TRAF3IP1: variants seen among roughly 807,000 people sequenced by gnomAD.
The protein encoded by TRAF3IP1 is intraflagellar transport 54, also known as TRAF3-interacting protein 1.
TRAF3IP1 carries 53 observed loss-of-function variants against 89.9 expected under a neutral mutation model. The observed-to-expected ratio is 0.59, with a 90% CI of 0.47 to 0.74. The LOEUF is 0.74. TRAF3IP1 is among the 30% of genes least tolerant of loss of function. TRAF3IP1 has a pLI of 0.00. For synonymous variants in TRAF3IP1, 311 were observed against 322.1 expected (o/e 0.97, Z 0.37); for missense variants, 806 against 866.1 (o/e 0.93, Z 0.87).
At chr2:238,376,568 T>A (rs906801313) in intron 15 of TRAF3IP1, among the ~76,000 whole-genome samples, 4 of 152,256 alleles carry the variant, frequency 2.6e-5, no homozygotes, top group Non-Finnish European at 4.4e-5. Context: ...GGAGTATTTA[T>A]GAACAAAACT....
chr2:238,367,193 A>T (rs1031947983), intron 15 of TRAF3IP1, among the ~76,000 whole-genome samples: 8 of 146,862 alleles, frequency 5.4e-5, no homozygotes, highest in Admixed American at 2.0e-4. Context: ...AAAAAAAGAA[A>T]ATTAGTGGAT....
Position 238,382,834 on chromosome 2 carries a change from C to CT in TRAF3IP1, c.1690-14623dup, listed in dbSNP as rs1286633015. 3.9e-5 allele frequency among the ~76,000 whole-genome samples: 6 copies of CT among 152,154 alleles called. No homozygotes were observed. The East Asian group carries it at 1.2e-3, about 29-fold the overall frequency. ...TAGTCCTGCTGCCACCCTCTCCTGC[C>CT]TTCATCAGTTCCCTGGACGGTTGGT... On this transcript the variant is annotated intron_variant, in intron 15 of 16. Coordinates refer to ENST00000373327, the MANE Select transcript of TRAF3IP1 (RefSeq NM_015650.4).
intron 15 of TRAF3IP1, among the ~76,000 whole-genome samples, chr2:238,369,833 T>A (rs1700032579): frequency 6.6e-6 from 1 of 152,358 alleles, no homozygotes; most frequent in Admixed American, 6.5e-5. Context: ...CATTTGTTTG[T>A]ATCATTATGG....
intron 15 of TRAF3IP1, among the ~76,000 whole-genome samples, chr2:238,374,814 A>G (rs538955139): frequency 6.6e-6 from 1 of 152,132 alleles, no homozygotes; most frequent in Admixed American, 6.5e-5. Context: ...AGAGCCTGTT[A>G]TTGGTCTATT....
At chr2:238,342,768 C>A (rs544651409) in intron 8 of TRAF3IP1, among the ~76,000 whole-genome samples, 1 of 152,182 alleles carries the variant, frequency 6.6e-6, no homozygotes, top group African/African-American at 2.4e-5. Flanking sequence ...CTGTTTGAAT[C>A]AGACTATTTA....
rs115249879 is a variant in TRAF3IP1 at position 238,375,837 on chromosome 2, T to A, written c.1689+19757T>A. On this transcript the variant is annotated intron_variant, in intron 15 of 16. Coordinates refer to ENST00000373327, the MANE Select transcript of TRAF3IP1 (RefSeq NM_015650.4). The stretch of plus-strand genomic sequence containing the variant: ...TTTACTCTTTTTAAAAAAGTAAAGC[T>A]TTGTTTTGACATGTACATGCTTAAT... Among the ~76,000 whole-genome samples the A allele has an allele frequency of 4.3e-3, 649 of 152,360 alleles. 7 individuals carry two copies. Among genetic ancestry groups the A allele is most frequent in the African/African-American group, 0.015 (622 of 41,584 alleles).
At chr2:238,344,693 T>G in intron 9 of TRAF3IP1, 95 bp downstream of exon 9, 3 of 1,075,146 alleles carry the variant, frequency 2.8e-6, no homozygotes, top group Non-Finnish European at 2.9e-6. Flanking sequence ...GCCCGAGGTT[T>G]TCCTCTTGGG....
At chr2:238,335,984 G>A (rs1698373706) in intron 7 of TRAF3IP1, among the ~76,000 whole-genome samples, 1 of 151,764 alleles carries the variant, frequency 6.6e-6, no homozygotes, top group Non-Finnish European at 1.5e-5. Context: ...TAGAGACAGG[G>A]TTTTACCATG....
At position 238,348,129 on chromosome 2, in the gene TRAF3IP1, T is replaced by C. The variant is rs188615406; in HGVS notation, c.1283-635T>C. 2.0e-5 allele frequency among the ~76,000 whole-genome samples: 3 copies of C among 152,200 alleles called. No individual in the cohort carries two copies. The East Asian group carries it at 5.8e-4, about 29-fold the overall frequency. On this transcript the variant is annotated intron_variant, in intron 10 of 16. Coordinates refer to ENST00000373327, the MANE Select transcript of TRAF3IP1 (RefSeq NM_015650.4). ...CCTTGTTATTTACTGATTAATTCTT[T>C]TTATCAAAATGAAGAAAACTTTGTT...
At chr2:238,372,904 G>A (rs1353834969) in intron 15 of TRAF3IP1, among the ~76,000 whole-genome samples, 3 of 152,122 alleles carry the variant, frequency 2.0e-5, no homozygotes, top group Non-Finnish European at 4.4e-5. Context: ...ATTTTTTCAC[G>A]TGTCTGTTGG....
At chr2:238,333,711 G>A (rs554541758) in intron 6 of TRAF3IP1, among the ~76,000 whole-genome samples, 3 of 152,198 alleles carry the variant, frequency 2.0e-5, no homozygotes, top group Non-Finnish European at 4.4e-5. Flanking sequence ...GTGGGGAGCA[G>A]ATTGTTGACC....
chr2:238,339,313 C>T (rs1181909632), intron 8 of TRAF3IP1, among the ~76,000 whole-genome samples: 1 of 152,256 alleles, frequency 6.6e-6, no homozygotes, highest in Non-Finnish European at 1.5e-5. Flanking sequence ...CATGGGATGG[C>T]GGAGGAAAAG....
At chr2:238,331,266 C>T (rs1354271862) in intron 5 of TRAF3IP1, among the ~76,000 whole-genome samples, 2 of 150,594 alleles carry the variant, frequency 1.3e-5, no homozygotes, top group Non-Finnish European at 2.9e-5. Flanking sequence ...CGAGACCATC[C>T]TGGCCAACAC....
At chr2:238,373,842 C>T (rs1371549982) in intron 15 of TRAF3IP1, among the ~76,000 whole-genome samples, 1 of 152,096 alleles carries the variant, frequency 6.6e-6, no homozygotes, top group African/African-American at 2.4e-5. Context: ...TTGAAGAGGT[C>T]CTTCGCATCC....
intron 15 of TRAF3IP1, among the ~76,000 whole-genome samples, chr2:238,388,980 C>T (rs1234565171): frequency 6.6e-6 from 1 of 152,170 alleles, no homozygotes; most frequent in Admixed American, 6.5e-5. Flanking sequence ...TTCCTGAGGT[C>T]ATGAGAGAGT....
rs1665578026 is a variant in TRAF3IP1 at position 238,379,865 on chromosome 2, A to G, written c.1690-17594A>G. On this transcript the variant is annotated intron_variant, in intron 15 of 16. Coordinates refer to ENST00000373327, the MANE Select transcript of TRAF3IP1 (RefSeq NM_015650.4). The surrounding 1 kb of genome is among the most constrained non-coding windows in gnomAD (Gnocchi z 4.0). Reference sequence around the variant, plus strand: ...ATTAATATTTTAGTAAGACATTTAAAATAGCAAATCCAATTAGTTAGTACA... The same window carrying G: ...ATTAATATTTTAGTAAGACATTTAAGATAGCAAATCCAATTAGTTAGTACA... Among the ~76,000 whole-genome samples, 3 of 152,246 alleles carry G rather than the reference A, an allele frequency of 2.0e-5. No individual in the cohort carries two copies. The highest frequency in any genetic ancestry group is 7.2e-5 in the African/African-American group (3 of 41,466).
At chr2:238,390,024 A>G (rs1172949231) in intron 15 of TRAF3IP1, among the ~76,000 whole-genome samples, 1 of 152,132 alleles carries the variant, frequency 6.6e-6, no homozygotes, top group East Asian at 1.9e-4. Flanking sequence ...GAGCACATGA[A>G]GTGGCCCAAC....
chr2:238,320,755 G>T lies in TRAF3IP1; in HGVS notation c.93G>T (p.Pro31=), dbSNP rs758608986. The change falls in exon 1 of 17, where the codon CCG becomes CCT. Residue 31 remains proline, a synonymous_variant. Coordinates refer to ENST00000373327, the MANE Select transcript of TRAF3IP1 (RefSeq NM_015650.4). ...CCGAGAAGCTGCTGAGCAAGCCCCC[G>T]TTCCGCTACCTGCACGACATCATCA... ...PLTEKLLSKP[P]FRYLHDIITE... The T allele has an allele frequency of 7.0e-7, 1 of 1,438,354 alleles. No individual in the cohort carries two copies. The highest frequency in any genetic ancestry group is 9.2e-7 in the Non-Finnish European group (1 of 1,083,198). 89.1% of individuals were successfully genotyped at this position (1,438,354 alleles called of 1,614,324 possible).
chr2:238,383,942 T>C (rs1377015111), intron 15 of TRAF3IP1, among the ~76,000 whole-genome samples: 1 of 152,214 alleles, frequency 6.6e-6, no homozygotes, highest in East Asian at 1.9e-4. Flanking sequence ...GTTTCACATA[T>C]CTCCCCTTAT....
Sources: allele counts gnomAD v4.1 joint callset (sites outside exome capture counted in the v4.1 genomes callset), GRCh38; gene constraint gnomAD v4.1.1; non-coding constraint Gnocchi (gnomAD v3.1); transcripts MANE v1.5; gene names NCBI Gene and HGNC (gene_info 2026-07-23, HGNC 2026-07-21).